The following DCC variants were observed in gnomAD, a reference collection of about 807,000 sequenced individuals.
The protein encoded by DCC is DCC netrin 1 receptor, also known as netrin receptor DCC.
A neutral mutation model predicts 172.5 loss-of-function variants in DCC; 58 were observed. That is an observed-to-expected ratio of 0.34 (90% CI 0.27 to 0.42). The LOEUF (loss-of-function observed/expected upper bound fraction) is 0.42. Among genes scored for constraint, DCC ranks in the 10% least tolerant of loss-of-function variants. The probability of loss-of-function intolerance (pLI) is 1.00; values close to 1 mark genes in which losing one functional copy is unlikely to be tolerated. For missense variants in DCC, 1,740 were observed against 1,791.0 expected (o/e 0.97, Z 0.51); for synonymous variants, 709 against 644.5 (o/e 1.10, Z -1.52).
At chr18:53,156,665 G>C (rs1159800899) in intron 7 of DCC, among the ~76,000 whole-genome samples, 9 of 152,026 alleles carry the variant, frequency 5.9e-5, no homozygotes, top group Non-Finnish European at 1.0e-4. Flanking sequence ...TGGAGATTAT[G>C]GCCCTCTTAG....
intron 13 of DCC, among the ~76,000 whole-genome samples, chr18:53,315,327 G>A (rs2057330858): frequency 6.6e-6 from 1 of 152,172 alleles, no homozygotes; most frequent in African/African-American, 2.4e-5. Flanking sequence ...ATTCCATGGT[G>A]TATATATGCC....
At chr18:52,858,229 G>A (rs1042292668) in intron 2 of DCC, among the ~76,000 whole-genome samples, 2 of 152,224 alleles carry the variant, frequency 1.3e-5, no homozygotes, top group East Asian at 3.9e-4. Flanking sequence ...GAGAAATGGA[G>A]TATTGCTTTC....
At chr18:53,105,709 A>G (rs777986386) in intron 7 of DCC, among the ~76,000 whole-genome samples, 1 of 151,804 alleles carries the variant, frequency 6.6e-6, no homozygotes, top group East Asian at 2.0e-4. Context: ...GTCCCCTCCC[A>G]CGTGCATATC....
chr18:53,261,332 G>C (rs546904531), intron 12 of DCC, among the ~76,000 whole-genome samples: 2 of 152,178 alleles, frequency 1.3e-5, no homozygotes, highest in African/African-American at 4.8e-5. Flanking sequence ...TTCCTATTCA[G>C]CCATCTTGGC....
At chr18:52,649,651 G>A (rs1023896332) in intron 1 of DCC, among the ~76,000 whole-genome samples, 2 of 151,904 alleles carry the variant, frequency 1.3e-5, no homozygotes, top group Non-Finnish European at 2.9e-5. Flanking sequence ...ACCTCTAAAT[G>A]AGAAAATGTA....
intron 9 of DCC, among the ~76,000 whole-genome samples, chr18:53,189,424 T>C (rs909016464): frequency 3.3e-5 from 5 of 151,628 alleles, no homozygotes; most frequent in African/African-American, 9.7e-5. Context: ...TTTATATATA[T>C]ATAAACTTTT....
At chr18:53,200,588 G>A (rs73960258) in intron 9 of DCC, among the ~76,000 whole-genome samples, 6,201 of 152,268 alleles carry the variant, frequency 0.041, 397 homozygotes, top group African/African-American at 0.14. Flanking sequence ...GCCCTGGCTA[G>A]GCTTAGCAGG....
At chr18:52,350,414 A>G (rs983101968) in intron 1 of DCC, among the ~76,000 whole-genome samples, 1 of 152,186 alleles carries the variant, frequency 6.6e-6, no homozygotes, top group Non-Finnish European at 1.5e-5. Context: ...TCAGCAAACT[A>G]ACACAGGAAC....
chr18:52,610,600 G>A lies in DCC; in HGVS notation c.92-141454G>A, dbSNP rs536118630. ...CAGAACAATCGTTGAAATTGACATG[G>A]ACCCCTCTACACAGGGAATTGGCAG... On this transcript the variant is annotated intron_variant, in intron 1 of 28. Coordinates refer to ENST00000442544, the MANE Select transcript of DCC (RefSeq NM_005215.4). Among the ~76,000 whole-genome samples, 9 of 151,702 alleles carry A rather than the reference G, an allele frequency of 5.9e-5. No homozygotes were observed. The East Asian group carries it at 1.8e-3, about 30-fold the overall frequency.
chr18:53,104,565 C>T (rs79541072), intron 7 of DCC, among the ~76,000 whole-genome samples: 1 of 151,890 alleles, frequency 6.6e-6, no homozygotes, highest in African/African-American at 2.4e-5. Flanking sequence ...GTCTTTATCA[C>T]AGTGTGAAAA....
chr18:52,788,593 C>T (rs1210754182), intron 2 of DCC, among the ~76,000 whole-genome samples: 2 of 152,108 alleles, frequency 1.3e-5, no homozygotes, highest in Non-Finnish European at 2.9e-5. Flanking sequence ...ATTTTAAGTG[C>T]TTATTTTTCT....
chr18:53,515,019 T>A (rs1172655812), intron 27 of DCC, among the ~76,000 whole-genome samples: 1 of 151,796 alleles, frequency 6.6e-6, no homozygotes, highest in Admixed American at 6.6e-5. Flanking sequence ...TAGACCAATA[T>A]CCTTGATGAA....
intron 1 of DCC, among the ~76,000 whole-genome samples, chr18:52,647,295 C>T (rs2035037340): frequency 6.6e-6 from 1 of 152,206 alleles, no homozygotes; most frequent in African/African-American, 2.4e-5. Context: ...CTTTCCAGCC[C>T]TTTGCACTGG....
At chr18:53,157,139 A>G (rs1052540831) in intron 7 of DCC, among the ~76,000 whole-genome samples, 18 of 152,168 alleles carry the variant, frequency 1.2e-4, no homozygotes, top group African/African-American at 3.6e-4. Context: ...TAAGCAGTGG[A>G]ATTGTATACA....
At chr18:52,996,772 C>CTTT (rs66600556) in intron 5 of DCC, among the ~76,000 whole-genome samples, 1 of 117,168 alleles carries the variant, frequency 8.5e-6, no homozygotes, top group Non-Finnish European at 1.8e-5. Flanking sequence ...TCACCTTTTT[C>CTTT]TTTTTTTTTT....
chr18:52,744,247 C>T (rs181867970), intron 1 of DCC, among the ~76,000 whole-genome samples: 176 of 152,134 alleles, frequency 1.2e-3, no homozygotes, highest in Middle Eastern at 6.8e-3. Context: ...TCTAATATAA[C>T]TTGTGTCCTT....
chr18:52,740,531 T>C (rs1443360177), intron 1 of DCC, among the ~76,000 whole-genome samples: 2 of 152,232 alleles, frequency 1.3e-5, no homozygotes, highest in Non-Finnish European at 1.5e-5. Context: ...TCAGACGTTA[T>C]GCCACAATGT....
At chr18:52,531,642 T>C (rs2032155043) in intron 1 of DCC, among the ~76,000 whole-genome samples, 2 of 152,158 alleles carry the variant, frequency 1.3e-5, no homozygotes, top group African/African-American at 2.4e-5. Flanking sequence ...ATAGTTTTAA[T>C]GAGTTTTCCA....
At chr18:53,027,885 A>G (rs544133240) in intron 5 of DCC, among the ~76,000 whole-genome samples, 1 of 152,072 alleles carries the variant, frequency 6.6e-6, no homozygotes, top group Non-Finnish European at 1.5e-5. Flanking sequence ...GGCATTATAA[A>G]GGGAGGAAGT....
Sources: gnomAD v4.1 joint callset for allele counts (sites outside exome capture counted in the v4.1 genomes callset) on GRCh38, gnomAD v4.1.1 for gene constraint, MANE v1.5 for transcripts, NCBI Gene and HGNC (gene_info 2026-07-23, HGNC 2026-07-21) for gene names.